Variants in LRRN2 observed in about 807,000 individuals in gnomAD.
The protein encoded by LRRN2 is leucine rich repeat neuronal 2, also known as leucine-rich repeat neuronal protein 2.
A neutral mutation model predicts 35.7 loss-of-function variants in LRRN2; 10 were observed. The ratio of observed to expected loss-of-function variants is 0.28; its 90% CI spans 0.17 to 0.47. LRRN2 has a LOEUF of 0.47. LRRN2 is among the 20% of genes least tolerant of loss of function. The pLI, the probability that LRRN2 is intolerant of heterozygous loss-of-function variation, is 0.99. For missense variants in LRRN2, 731 were observed against 940.3 expected (o/e 0.78, Z 2.91); for synonymous variants, 391 against 409.6 (o/e 0.95, Z 0.55).
intron 1 of LRRN2, among the ~76,000 whole-genome samples, chr1:204,651,984 C>T: frequency 6.6e-6 from 1 of 152,244 alleles, no homozygotes; most frequent in Non-Finnish European, 1.5e-5. Context: ...CTCCCAGTGC[C>T]CGGGTACCAG....
Position 204,619,915 on chromosome 1 carries a change from A to G in LRRN2, c.78T>C (p.His26=). 6.2e-7 allele frequency: 1 copy of G among 1,613,828 alleles called. No individual in the cohort carries two copies. The highest frequency in any genetic ancestry group is 8.5e-7 in the Non-Finnish European group (1 of 1,179,972). The change falls in exon 2 of 2, where the codon CAT becomes CAC. Residue 26 remains histidine, a synonymous_variant. Coordinates refer to ENST00000367177, the MANE Select transcript of LRRN2 (RefSeq NM_201630.2). ...AGGCACACTGAGGGGGGCAGGGAAC[A>G]TGCCAGGGTACCACGGGCACAGCGG... ...ATAAVPVVPW[H]VPCPPQCACQ...
chr1:204,638,287 G>C (rs974257421), intron 1 of LRRN2, among the ~76,000 whole-genome samples: 1 of 151,492 alleles, frequency 6.6e-6, no homozygotes, highest in Non-Finnish European at 1.5e-5. Flanking sequence ...CTGTGATTTT[G>C]TGCACCATTT....
At chr1:204,684,111 C>T (rs1669014207) in intron 1 of LRRN2, among the ~76,000 whole-genome samples, 1 of 152,182 alleles carries the variant, frequency 6.6e-6, no homozygotes, top group African/African-American at 2.4e-5. Flanking sequence ...CGGAGCCTGC[C>T]ATCGGCCTGG....
chr1:204,658,388 A>G (rs1668403939), intron 1 of LRRN2, among the ~76,000 whole-genome samples: 1 of 152,238 alleles, frequency 6.6e-6, no homozygotes, highest in Non-Finnish European at 1.5e-5. Context: ...CCCAGCTGGA[A>G]GAAATGACCA....
intron 1 of LRRN2, among the ~76,000 whole-genome samples, chr1:204,644,612 C>A (rs1349559548): frequency 6.6e-6 from 1 of 152,224 alleles, no homozygotes; most frequent in Non-Finnish European, 1.5e-5. Context: ...CTTTGTGACA[C>A]CTTCCTTCTC....
At chr1:204,659,245 T>C (rs373139883) in intron 1 of LRRN2, among the ~76,000 whole-genome samples, 51 of 152,356 alleles carry the variant, frequency 3.3e-4, no homozygotes, top group African/African-American at 1.2e-3. Flanking sequence ...ACTGTACCTC[T>C]GTCACTATGG....
intron 1 of LRRN2, among the ~76,000 whole-genome samples, chr1:204,623,777 A>G (rs540658871): frequency 1.3e-5 from 2 of 152,246 alleles, no homozygotes; most frequent in Non-Finnish European, 2.9e-5. Context: ...GGCAGGGGCC[A>G]TATCTTACAT....
intron 1 of LRRN2, among the ~76,000 whole-genome samples, chr1:204,657,836 T>C (rs1456626157): frequency 6.6e-6 from 1 of 152,146 alleles, no homozygotes; most frequent in Admixed American, 6.6e-5. Context: ...GTGGTGATGA[T>C]GGTTTTTATT....
At position 204,619,534 on chromosome 1, in the gene LRRN2, G is replaced by C; in HGVS notation, c.459C>G (p.Leu153=). The change falls in exon 2 of 2, where the codon CTC becomes CTG. Residue 153 remains leucine (L), a synonymous_variant. Transcript: ENST00000367177. ...LQELYLNHNQ[L]YRIAPRAFSG... is the part of the protein sequence containing the mutation. ...AAAAGGCCCTGGGGGCGATGCGGTA[G>C]AGCTGGTTGTGGTTGAGATAGAGTT... 6.2e-7 allele frequency: 1 copy of C among 1,614,252 alleles called. No individual in the cohort carries two copies. Among genetic ancestry groups the C allele is most frequent in the African/African-American group, 1.3e-5 (1 of 75,072 alleles).
chr1:204,649,478 G>A (rs748969805), intron 1 of LRRN2, among the ~76,000 whole-genome samples: 8 of 152,210 alleles, frequency 5.3e-5, no homozygotes, highest in Non-Finnish European at 1.0e-4. Context: ...GGAGGTGGTA[G>A]AAGAACATGG....
intron 1 of LRRN2, among the ~76,000 whole-genome samples, chr1:204,684,014 T>C (rs939878371): frequency 2.0e-5 from 3 of 152,172 alleles, no homozygotes; most frequent in African/African-American, 7.2e-5. Flanking sequence ...TAAGAAGCAG[T>C]GGGCAATGGG....
At chr1:204,667,447 C>T (rs376631124) in intron 1 of LRRN2, among the ~76,000 whole-genome samples, 69 of 152,178 alleles carry the variant, frequency 4.5e-4, no homozygotes, top group African/African-American at 1.5e-3. Flanking sequence ...GAGGATTCAA[C>T]GAGTTAATAT....
intron 1 of LRRN2, among the ~76,000 whole-genome samples, chr1:204,665,042 C>A (rs558681175): frequency 6.6e-6 from 1 of 152,226 alleles, no homozygotes; most frequent in South Asian, 2.1e-4. Flanking sequence ...CAATACTGGC[C>A]CCACTTCCTC....
At chr1:204,658,425 C>G (rs1371813154) in intron 1 of LRRN2, among the ~76,000 whole-genome samples, 1 of 152,258 alleles carries the variant, frequency 6.6e-6, no homozygotes, top group Admixed American at 6.5e-5. Flanking sequence ...GGCTTGGAAA[C>G]TTTGAGCAAA....
In LRRN2 at chr1:204,633,515, TTGAC is replaced by T. The variant is rs568805410; in HGVS notation, c.-226-13301_-226-13298del. 2.2e-3 allele frequency among the ~76,000 whole-genome samples: 339 copies of T among 152,368 alleles called. 5 individuals are homozygous for T. Among genetic ancestry groups the T allele is most frequent in the Admixed American group, 0.012 (191 of 15,310 alleles). On this transcript the variant is annotated intron_variant, in intron 1 of 1. Transcript: ENST00000367177. ...AGGGCAATGATAATAATGGTAGTCA[TTGAC>T]TGAGCACTGATTAGTAGCCAGGCTT...
At chr1:204,662,581 T>A (rs2102619030) in intron 1 of LRRN2, among the ~76,000 whole-genome samples, 1 of 152,366 alleles carries the variant, frequency 6.6e-6, no homozygotes, top group Middle Eastern at 3.4e-3. Context: ...GGGACATTTA[T>A]GAACTTGCAA....
rs781028138 is a variant in LRRN2 at position 204,618,558 on chromosome 1, C to T, written c.1435G>A (p.Glu479Lys). The part of the protein sequence containing the change: ...HAGRRYRVYP[E>K]GTLELRRVTA... ...ACCCTCCGCAGCTCCAGGGTCCCCT[C>T]GGGGTACACCCGGTACCTCCTGCCT... Residue 479 changes from glutamate to lysine, a missense_variant, in exon 2 of 2, where the codon GAG becomes AAG. Glu to Lys is a moderately conservative substitution (Grantham distance 56). Around this residue, in one of 3 missense-constraint regions of LRRN2, gnomAD observed 256 missense variants for 392.4 expected, o/e 0.65. Coordinates refer to ENST00000367177, the MANE Select transcript of LRRN2 (RefSeq NM_201630.2). The T allele has an allele frequency of 3.1e-6, 5 of 1,613,976 alleles. No individual in the cohort carries two copies. The highest frequency in any genetic ancestry group is 1.1e-5 in the South Asian group (1 of 91,090).
At chr1:204,639,099 GCT>G (rs1667918916) in intron 1 of LRRN2, among the ~76,000 whole-genome samples, 2 of 152,200 alleles carry the variant, frequency 1.3e-5, no homozygotes, top group Non-Finnish European at 1.5e-5. Flanking sequence ...GGCCATAAGG[GCT>G]CTCTCAACCT....
At chr1:204,680,713 C>G (rs1668928886) in intron 1 of LRRN2, among the ~76,000 whole-genome samples, 1 of 152,182 alleles carries the variant, frequency 6.6e-6, no homozygotes, top group Admixed American at 6.5e-5. Context: ...AAGCCCAGCT[C>G]CCAGCTCTGG....
Sources: gnomAD v4.1 joint callset for allele counts (sites outside exome capture counted in the v4.1 genomes callset) on GRCh38, gnomAD v4.1.1 for gene constraint, gnomAD v4.1.1 regional missense constraint, MANE v1.5 for transcripts, NCBI Gene and HGNC (gene_info 2026-07-23, HGNC 2026-07-21) for gene names.